The following CACNA2D1 variants were observed in gnomAD, a reference collection of about 807,000 sequenced individuals.
CACNA2D1 encodes the protein voltage-dependent calcium channel subunit alpha-2/delta-1.
CACNA2D1 carries 53 observed loss-of-function variants against 171.5 expected under a neutral mutation model. The observed-to-expected ratio is 0.31, with a 90% CI of 0.25 to 0.39. The LOEUF is 0.39. Ranked by LOEUF, CACNA2D1 falls within the 10% of genes least tolerant of loss-of-function variation. CACNA2D1 has a pLI of 1.00. For synonymous variants in CACNA2D1, 442 were observed against 443.1 expected (o/e 1.00, Z 0.03); for missense variants, 903 against 1,299.8 (o/e 0.69, Z 4.69).
At chr7:82,055,555 C>T (rs1245701543) in intron 10 of CACNA2D1, among the ~76,000 whole-genome samples, 3 of 151,654 alleles carry the variant, frequency 2.0e-5, no homozygotes, top group Admixed American at 6.6e-5. Flanking sequence ...AAACGTGGCA[C>T]ATATACACCA....
intron 3 of CACNA2D1, among the ~76,000 whole-genome samples, chr7:82,306,382 A>T (rs1813737759): frequency 6.6e-6 from 1 of 152,200 alleles, no homozygotes; most frequent in Non-Finnish European, 1.5e-5. Context: ...CTTTAAGAAG[A>T]AGGGGATTTT....
At position 82,181,663 on chromosome 7, in the gene CACNA2D1, G is replaced by A. The variant is rs1428184652; in HGVS notation, c.295-11054C>T. On this transcript the variant is annotated intron_variant, in intron 3 of 38. Transcript: ENST00000356860. ...TAAAAAAGCAAGCTCTCATATCTGAGGGAAATAAAACAACAACTACAACTT... is the reference window on the plus strand; with the variant it reads ...TAAAAAAGCAAGCTCTCATATCTGAAGGAAATAAAACAACAACTACAACTT... Among the ~76,000 whole-genome samples, 4 of 152,100 alleles carry A rather than the reference G, an allele frequency of 2.6e-5. No individual in the cohort carries two copies. The East Asian group carries it at 7.7e-4, about 29-fold the overall frequency.
At chr7:82,429,764 A>C (rs1327315774) in intron 1 of CACNA2D1, among the ~76,000 whole-genome samples, 1 of 152,196 alleles carries the variant, frequency 6.6e-6, no homozygotes, top group African/African-American at 2.4e-5. Flanking sequence ...ATAGACCTTG[A>C]CACCCATGTA....
intron 1 of CACNA2D1, among the ~76,000 whole-genome samples, chr7:82,422,094 T>C (rs1828768005): frequency 6.6e-6 from 1 of 152,156 alleles, no homozygotes; most frequent in African/African-American, 2.4e-5. Context: ...ATCCCATATT[T>C]TTACCCAAAT....
intron 12 of CACNA2D1, among the ~76,000 whole-genome samples, chr7:82,016,173 T>C (rs1366484761): frequency 6.6e-6 from 1 of 152,180 alleles, no homozygotes; most frequent in Non-Finnish European, 1.5e-5. Context: ...AATTTCAATG[T>C]AGGGTTACTG....
At chr7:82,000,767 CTTTCTTTTTTTTTTTTTTTTTTTTTT>C (rs2130826899) in intron 18 of CACNA2D1, among the ~76,000 whole-genome samples, 1 of 47,276 alleles carries the variant, frequency 2.1e-5, no homozygotes, top group East Asian at 8.9e-4. Flanking sequence ...ACTAATTTTT[CTTTCTTTTTTTTTTTTTTTTTTTTTT>C]TTTTTTTTTT....
chr7:82,432,250 T>G (rs1170239069), intron 1 of CACNA2D1, among the ~76,000 whole-genome samples: 2 of 152,008 alleles, frequency 1.3e-5, no homozygotes, highest in African/African-American at 4.8e-5. Context: ...AAAAGGGAAA[T>G]AAATAGCCCA....
intron 38 of CACNA2D1, 21 bp downstream of exon 38, chr7:81,959,254 C>G (rs775907621): frequency 1.3e-6 from 2 of 1,507,236 alleles, no homozygotes; most frequent in Admixed American, 1.7e-5. Flanking sequence ...GTATTTTAAT[C>G]CAGTAGAAGT....
intron 9 of CACNA2D1, among the ~76,000 whole-genome samples, chr7:82,062,836 C>A (rs1263781468): frequency 6.8e-6 from 1 of 147,920 alleles, no homozygotes; most frequent in Non-Finnish European, 1.5e-5. Context: ...CATCTCCTGG[C>A]CTCAGGCATC....
intron 7 of CACNA2D1, among the ~76,000 whole-genome samples, chr7:82,069,446 T>C (rs1808053726): frequency 6.6e-6 from 1 of 152,180 alleles, no homozygotes; most frequent in Admixed American, 6.5e-5. Context: ...TCATTAAAGG[T>C]GATAACAATG....
At chr7:82,242,266 C>A (rs911465399) in intron 3 of CACNA2D1, among the ~76,000 whole-genome samples, 1 of 141,244 alleles carries the variant, frequency 7.1e-6, no homozygotes, top group Non-Finnish European at 1.6e-5. Context: ...ATACATCATA[C>A]TAAAATAATT....
At chr7:82,398,541 G>A (rs1267582335) in intron 1 of CACNA2D1, among the ~76,000 whole-genome samples, 2 of 151,254 alleles carry the variant, frequency 1.3e-5, no homozygotes, top group African/African-American at 2.4e-5. Flanking sequence ...ATTTCTGAGC[G>A]AGGTCTCACT....
intron 4 of CACNA2D1, among the ~76,000 whole-genome samples, chr7:82,164,759 ATCT>A (rs1222345678): frequency 3.9e-5 from 6 of 151,978 alleles, no homozygotes; most frequent in African/African-American, 4.8e-5. Context: ...TATGGAGTAA[ATCT>A]TCTTAGATTA....
chr7:81,961,342 G>A (rs760550533), intron 36 of CACNA2D1, among the ~76,000 whole-genome samples: 1 of 151,644 alleles, frequency 6.6e-6, no homozygotes, highest in South Asian at 2.1e-4. Context: ...CATTAACCAT[G>A]ACCTAAAAAA....
chr7:81,951,969 GTTTTT>G (rs774805421), intron 38 of CACNA2D1, among the ~76,000 whole-genome samples: 38 of 71,916 alleles, frequency 5.3e-4, no homozygotes, highest in South Asian at 6.4e-4. Flanking sequence ...TGTACAAAGT[GTTTTT>G]TTTTTTTTTT....
chr7:81,956,759 G>C (rs1396724005), intron 38 of CACNA2D1, among the ~76,000 whole-genome samples: 1 of 151,878 alleles, frequency 6.6e-6, no homozygotes, highest in Non-Finnish European at 1.5e-5. Flanking sequence ...TGACTACTTG[G>C]AAACCAATGA....
At chr7:82,332,817 T>A (rs42057) in intron 3 of CACNA2D1, among the ~76,000 whole-genome samples, 3,264 of 151,946 alleles carry the variant, frequency 0.021, 144 homozygotes, top group African/African-American at 0.074. Flanking sequence ...CTGGGCAACA[T>A]AGGGAGACCT....
intron 1 of CACNA2D1, among the ~76,000 whole-genome samples, chr7:82,368,442 C>A (rs990166109): frequency 6.6e-6 from 1 of 152,274 alleles, no homozygotes; most frequent in Admixed American, 6.5e-5. Context: ...ATCTCTCATT[C>A]AAAGTCATAA....
chr7:81,983,384 G>A (rs933059041), intron 22 of CACNA2D1, 50 bp from the exon 23 acceptor site: 1 of 1,478,354 alleles, frequency 6.8e-7, no homozygotes, highest in African/African-American at 1.4e-5. Context: ...AAAAAAAGAG[G>A]GTAAAGCAAA....
Sources: allele counts gnomAD v4.1 joint callset (sites outside exome capture counted in the v4.1 genomes callset), GRCh38; gene constraint gnomAD v4.1.1; transcripts MANE v1.5; gene names NCBI Gene and HGNC (gene_info 2026-07-23, HGNC 2026-07-21).